PFKM: variants seen among roughly 807,000 people sequenced by gnomAD.
The protein encoded by PFKM is ATP-dependent 6-phosphofructokinase, muscle type.
PFKM carries 58 observed loss-of-function variants against 95.5 expected under a neutral mutation model. The observed-to-expected ratio is 0.61, with a 90% CI of 0.49 to 0.76. The LOEUF (loss-of-function observed/expected upper bound fraction) is 0.76, where lower values mean the gene tolerates loss of function less well. Among genes scored for constraint, PFKM ranks in the 30% least tolerant of loss-of-function variants. The pLI is 0.00. For synonymous variants in PFKM, 336 were observed against 357.2 expected, an observed-to-expected ratio of 0.94 and a Z score of 0.67; for missense variants, 678 against 1,005.4, an observed-to-expected ratio of 0.67 and a Z score of 4.40.
Position 48,139,917 on chromosome 12 carries a change from T to C in PFKM, c.1191+5T>C, listed in dbSNP as rs1159040061. 1.9e-6 allele frequency: 3 copies of C among 1,601,762 alleles called. No individual in the cohort carries two copies. The highest frequency in any genetic ancestry group is 2.6e-6 in the Non-Finnish European group (3 of 1,168,924). ...GTCAGACCCCCGGTATCTAAGGTACTGGCAAGTTGACTTGCCCTCTCCCCT... is the reference window on the plus strand; with the variant it reads ...GTCAGACCCCCGGTATCTAAGGTACCGGCAAGTTGACTTGCCCTCTCCCCT... On this transcript the variant is annotated splice_donor_5th_base_variant and intron_variant, in intron 13 of 22. Transcript: ENST00000359794.
chr12:48,132,892 C>A lies in PFKM; in HGVS notation c.262C>A (p.Arg88=). The change falls in exon 5 of 23, where the codon CGG becomes AGG. Residue 88 remains arginine (R), a synonymous_variant. Coordinates refer to ENST00000359794, the MANE Select transcript of PFKM (RefSeq NM_000289.6). The part of the protein sequence containing the change: ...QLGGTVIGSA[R]CKDFREREGR... ...GGGAGGCACGGTGATTGGAAGTGCC[C>A]GGTGCAAGGACTTTCGGGAACGAGA... 6.2e-7 allele frequency: 1 copy of A among 1,613,444 alleles called. No homozygotes were observed.
intron 10 of PFKM, among the ~76,000 whole-genome samples, chr12:48,135,627 G>T (rs957802610): frequency 6.6e-6 from 1 of 152,092 alleles, no homozygotes; most frequent in Non-Finnish European, 1.5e-5. Flanking sequence ...GTTTTGTTTT[G>T]TTTCATATAT....
exon 1 of PFKM, chr12:48,106,135 T>G (rs1393695691): frequency 2.8e-6 from 2 of 702,404 alleles, no homozygotes; most frequent in Middle Eastern, 2.3e-4. Flanking sequence ...GAAGAGTCGC[T>G]AGGTGGCTGA....
chr12:48,133,310 G>A lies in PFKM; in HGVS notation c.428-5G>A, dbSNP rs530415874. On this transcript the variant is annotated splice_region_variant and splice_polypyrimidine_tract_variant and intron_variant, in intron 5 of 22. Coordinates refer to ENST00000359794, the MANE Select transcript of PFKM (RefSeq NM_000289.6). ...AGTGGCTCCTGGTTTGCTTCTCATT[G>A]TCAGGTAAGATCACAGATGAGGAGG... The A allele has an allele frequency of 1.1e-5, 17 of 1,613,848 alleles. No homozygotes were observed. In the South Asian group the frequency reaches 1.3e-4, roughly 13 times the overall value.
chr12:48,108,827 A>G (rs187166152), intron 3 of PFKM, among the ~76,000 whole-genome samples: 1 of 152,240 alleles, frequency 6.6e-6, no homozygotes, highest in Non-Finnish European at 1.5e-5. Context: ...ATTATAAAAC[A>G]TATGTATAAG....
intron 2 of PFKM, among the ~76,000 whole-genome samples, chr12:48,124,933 ATGTTT>A (rs1179199141): frequency 6.6e-6 from 1 of 152,160 alleles, no homozygotes; most frequent in Admixed American, 6.6e-5. Context: ...AAACATAGAA[ATGTTT>A]TGTTTTGTTT....
At position 48,125,621 on chromosome 12, in the gene PFKM, CAAA is replaced by C. The variant is rs562841214; in HGVS notation, c.85+2779_85+2781del. The C allele has an allele frequency of 4.7e-4, 48 of 103,006 alleles. 1 individual carries two copies. Among genetic ancestry groups the C allele is most frequent in the Admixed American group, 7.9e-4 (8 of 10,184 alleles). The allele number at this position is 103,006 out of a possible 1,614,324, so 6.4% of individuals were successfully genotyped here. A position where few individuals can be genotyped will look rare whatever the true frequency, so the allele number is the denominator to read the frequency against. ...GGGCAACAAGAGTGAAACTCTGTCT[CAAA>C]AAAAAAAAAAAAAAAAGATGGGAAG... On this transcript the variant is annotated intron_variant, in intron 2 of 22. Coordinates refer to ENST00000359794, the MANE Select transcript of PFKM (RefSeq NM_000289.6).
rs1430517061 is a variant in PFKM at position 48,141,738 on chromosome 12, A to G, written c.1413-2A>G. On this transcript the variant is annotated splice_acceptor_variant, in intron 15 of 22. Coordinates refer to ENST00000359794, the MANE Select transcript of PFKM (RefSeq NM_000289.6). LOFTEE classifies it high-confidence loss of function. Reference sequence around the variant, plus strand: ...CCCTCCCCGCCATCACTGATCAACTAGGACTCTACCCAAGAAGAGCTTTGA... The same window carrying G: ...CCCTCCCCGCCATCACTGATCAACTGGGACTCTACCCAAGAAGAGCTTTGA... The G allele has an allele frequency of 1.9e-5, 31 of 1,605,052 alleles. No individual in the cohort carries two copies. The highest frequency in any genetic ancestry group is 2.6e-5 in the Non-Finnish European group (30 of 1,171,908).
At position 48,146,123 on chromosome 12, in the gene PFKM, T is replaced by C. The variant is rs951755618; in HGVS notation, c.*415T>C. ...CACTGTGCTTTTGCTTCTCCTGTTA[T>C]CATCTTCCTAAGTGGAATGTAATAC... On this transcript the variant is annotated 3_prime_UTR_variant, in exon 23 of 23. Transcript: ENST00000359794. 6 of 250,090 alleles carry C rather than the reference T, an allele frequency of 2.4e-5. No homozygotes were observed. Among genetic ancestry groups the C allele is most frequent in the Non-Finnish European group, 4.8e-5 (6 of 126,128 alleles). The allele number at this position is 250,090 out of a possible 1,614,324, so 15.5% of individuals were successfully genotyped here.
chr12:48,108,176 A>C, exon 3 of PFKM: 1 of 1,598,388 alleles, frequency 6.3e-7, no homozygotes, highest in Non-Finnish European at 8.5e-7. Flanking sequence ...CGTGGGAAGC[A>C]TACCTGTTTT....
At chr12:48,106,311 T>C in intron 1 of PFKM, 1 of 587,924 alleles carries the variant, frequency 1.7e-6, no homozygotes, top group Non-Finnish European at 3.0e-6. Context: ...CTCGGAATAC[T>C]GTTAGTGAGC....
Position 48,145,388 on chromosome 12 carries a change from C to A in PFKM, c.2198+73C>A. 2 of 1,379,058 alleles carry A rather than the reference C, an allele frequency of 1.5e-6. No individual in the cohort carries two copies. Among genetic ancestry groups the A allele is most frequent in the Non-Finnish European group, 2.1e-6 (2 of 971,494 alleles). 85.4% of individuals were successfully genotyped at this position (1,379,058 alleles called of 1,614,324 possible). The stretch of plus-strand genomic sequence containing the variant: ...AGCTCTACTGTCCTCAACCTGTTCA[C>A]TGTCTTTAATTCTTTTTTTTTTTTA... On this transcript the variant is annotated intron_variant, in intron 22 of 22. Coordinates refer to ENST00000359794, the MANE Select transcript of PFKM (RefSeq NM_000289.6). The surrounding 1 kb of genome is among the most constrained non-coding windows in gnomAD (Gnocchi z 4.3).
chr12:48,105,883 G>T, upstream of PFKM: 1 of 613,234 alleles, frequency 1.6e-6, no homozygotes, highest in Non-Finnish European at 2.9e-6. Context: ...GTCCCAGGGG[G>T]CGGGGCAGAG....
intron 3 of PFKM, among the ~76,000 whole-genome samples, chr12:48,114,289 G>A (rs186769450): frequency 2.0e-5 from 3 of 152,264 alleles, no homozygotes; most frequent in African/African-American, 7.2e-5. Context: ...TATTTAGTGG[G>A]GTCTGATGAG....
chr12:48,145,999 A>C lies in PFKM; in HGVS notation c.*291A>C, dbSNP rs1951014815. 4.9e-6 allele frequency: 2 copies of C among 411,020 alleles called. No individual in the cohort carries two copies. Among genetic ancestry groups the C allele is most frequent in the African/African-American group, 2.0e-5 (1 of 50,180 alleles). The allele number at this position is 411,020 out of a possible 1,614,324, so 25.5% of individuals were successfully genotyped here. A position where few individuals can be genotyped will look rare whatever the true frequency, so the allele number is the denominator to read the frequency against. On this transcript the variant is annotated 3_prime_UTR_variant, in exon 23 of 23. Transcript: ENST00000359794. The surrounding 1 kb of genome is among the most constrained non-coding windows in gnomAD (Gnocchi z 4.3). ...ACTCAGTTAGAATTTTCCTAAAAAT[A>C]AGCTTTATTTATTTCTTTGTGATAA...
upstream of PFKM, chr12:48,105,763 C>A: frequency 1.8e-6 from 1 of 556,292 alleles, no homozygotes; most frequent in Non-Finnish European, 3.2e-6. Context: ...GGCAGGGAGA[C>A]GGTCTCTCCG....
At chr12:48,126,438 T>C (rs1948841691) in intron 2 of PFKM, among the ~76,000 whole-genome samples, 1 of 152,210 alleles carries the variant, frequency 6.6e-6, no homozygotes, top group South Asian at 2.1e-4. Flanking sequence ...GGAGACAGGA[T>C]GAATGACTTC....
intron 4 of PFKM, chr12:48,132,123 T>C (rs914415313): frequency 1.2e-4 from 55 of 454,378 alleles, no homozygotes; most frequent in African/African-American, 8.4e-4. Context: ...GGTCTGAGAA[T>C]GAGCCAGAAT....
intron 3 of PFKM, 105 bp downstream of exon 3, chr12:48,130,541 T>C: frequency 1.1e-6 from 1 of 876,378 alleles, no homozygotes; most frequent in Non-Finnish European, 2.0e-6. Flanking sequence ...GTTAGTTACA[T>C]TGCTGTGTTT....
Sources: allele counts gnomAD v4.1 joint callset (sites outside exome capture counted in the v4.1 genomes callset), GRCh38; gene constraint gnomAD v4.1.1; non-coding constraint Gnocchi (gnomAD v3.1); transcripts MANE v1.5; gene names NCBI Gene and HGNC (gene_info 2026-07-23, HGNC 2026-07-21).